The following ASPRV1 variants were observed in gnomAD, a reference collection of about 807,000 sequenced individuals.
ASPRV1 encodes the protein aspartic peptidase retroviral like 1.
Under a neutral mutation model 11.0 loss-of-function variants are expected in ASPRV1, and 7 were observed. That is an observed-to-expected ratio of 0.64 (90% CI 0.36 to 1.20). The LOEUF is 1.20. Ranked by LOEUF, ASPRV1 falls within the 50% of genes most tolerant of loss-of-function variation. The pLI, the probability that ASPRV1 is intolerant of heterozygous loss-of-function variation, is 0.02. For missense variants in ASPRV1, 299 were observed against 320.0 expected (o/e 0.93, Z 0.50); for synonymous variants, 136 against 138.4 (o/e 0.98, Z 0.12).
At chr2:69,993,954 G>A in the ASPRV1 span, 1 of 152,392 alleles carries the variant, frequency 6.6e-6, no homozygotes, top group East Asian at 1.9e-4. Flanking sequence ...AGATGTCAGC[G>A]AAGCTTGAGG....
the ASPRV1 span, among the ~76,000 whole-genome samples, chr2:69,995,074 G>A: frequency 6.6e-6 from 1 of 151,710 alleles, no homozygotes; most frequent in Non-Finnish European, 1.5e-5. Flanking sequence ...CATGTAGTCA[G>A]GGTGAATATT....
the ASPRV1 span, among the ~76,000 whole-genome samples, chr2:69,997,369 T>C: frequency 6.6e-6 from 1 of 152,072 alleles, no homozygotes; most frequent in Admixed American, 6.5e-5. Flanking sequence ...TACTGACTTA[T>C]CCTCACCAGG....
At chr2:70,081,608 A>G in the ASPRV1 span, 2 of 152,052 alleles carry the variant, frequency 1.3e-5, no homozygotes, top group East Asian at 3.9e-4. Flanking sequence ...TTTTTAGATA[A>G]GGTCTCACTC....
At chr2:70,009,094 T>G in the ASPRV1 span, among the ~76,000 whole-genome samples, 1 of 152,098 alleles carries the variant, frequency 6.6e-6, no homozygotes, top group Non-Finnish European at 1.5e-5. Context: ...AAAAAATTAA[T>G]TTCTCAGATA....
the ASPRV1 span, among the ~76,000 whole-genome samples, chr2:69,969,790 C>T: frequency 2.0e-5 from 3 of 152,166 alleles, no homozygotes; most frequent in Admixed American, 2.0e-4. Flanking sequence ...CCATGGCTCC[C>T]TGAAGCCTTG....
chr2:70,033,284 C>CACAA, the ASPRV1 span, among the ~76,000 whole-genome samples: 1 of 147,826 alleles, frequency 6.8e-6, no homozygotes, highest in Non-Finnish European at 1.5e-5. Context: ...AAAACACACA[C>CACAA]ACACACACAC....
the ASPRV1 span, among the ~76,000 whole-genome samples, chr2:69,990,573 G>T: frequency 6.6e-6 from 1 of 151,920 alleles, no homozygotes; most frequent in Admixed American, 6.6e-5. Context: ...GACATCTAGG[G>T]CTCATGTGAT....
At chr2:70,046,865 A>G in the ASPRV1 span, 30 of 152,238 alleles carry the variant, frequency 2.0e-4, no homozygotes, top group Non-Finnish European at 2.9e-5. Flanking sequence ...AGTGGTAACC[A>G]AGGTAAAAAT....
chr2:70,069,292 G>C, the ASPRV1 span: 1 of 152,202 alleles, frequency 6.6e-6, no homozygotes, highest in African/African-American at 2.4e-5. Context: ...AAAACTGAAA[G>C]GGACTGAAGG....
the ASPRV1 span, among the ~76,000 whole-genome samples, chr2:70,052,455 G>C: frequency 1.3e-5 from 2 of 152,130 alleles, no homozygotes; most frequent in Non-Finnish European, 2.9e-5. Flanking sequence ...CCAACTGGGA[G>C]AGTAGACCAA....
At chr2:69,995,803 A>G in the ASPRV1 span, among the ~76,000 whole-genome samples, 1 of 152,212 alleles carries the variant, frequency 6.6e-6, no homozygotes, top group Non-Finnish European at 1.5e-5. Flanking sequence ...CCGCCTTCTC[A>G]TGCAGGCAGA....
chr2:69,960,667 A>G lies in ASPRV1; in HGVS notation c.770T>C (p.Leu257Pro). ...DPSSEEGRQE[L>P]SH is the part of the protein sequence containing the mutation. The stretch of plus-strand genomic sequence containing the variant: ...AGAAAAGGTGGCTTCTCAGTGGGAT[A>G]GCTCCTGCCGCCCTTCTTCTGAGGA... Residue 257 changes from leucine to proline, a missense_variant, in exon 1 of 1, where the codon CTA becomes CCA. Physicochemically the swap from Leu to Pro is moderately conservative, Grantham distance 98. Transcript: ENST00000320256. The G allele has an allele frequency of 6.2e-7, 1 of 1,611,454 alleles. No homozygotes were observed. The highest frequency in any genetic ancestry group is 8.5e-7 in the Non-Finnish European group (1 of 1,178,954).
chr2:69,996,787 T>A, the ASPRV1 span: 1 of 455,428 alleles, frequency 2.2e-6, no homozygotes, highest in Non-Finnish European at 4.4e-6. Flanking sequence ...GCTGCAGGGA[T>A]GTCGGACGGT....
At chr2:70,004,690 C>T in the ASPRV1 span, among the ~76,000 whole-genome samples, 1 of 152,056 alleles carries the variant, frequency 6.6e-6, no homozygotes, top group Non-Finnish European at 1.5e-5. Context: ...CTGTTCTTCC[C>T]TCTGAACCTA....
downstream of ASPRV1, among the ~76,000 whole-genome samples, chr2:69,955,916 T>C (rs1253756977): frequency 2.0e-5 from 3 of 151,900 alleles, no homozygotes; most frequent in African/African-American, 7.2e-5. Context: ...CTAGGAGTGA[T>C]GGCATGCCAG....
chr2:70,051,576 A>G, the ASPRV1 span, among the ~76,000 whole-genome samples: 2 of 152,240 alleles, frequency 1.3e-5, no homozygotes, highest in Non-Finnish European at 2.9e-5. Flanking sequence ...AAAAAGCCCA[A>G]TAAGTATACC....
chr2:70,067,913 G>A, the ASPRV1 span, among the ~76,000 whole-genome samples: 1 of 152,210 alleles, frequency 6.6e-6, no homozygotes, highest in Non-Finnish European at 1.5e-5. Context: ...GATTGGGCAG[G>A]AGGAGAAGCT....
the ASPRV1 span, among the ~76,000 whole-genome samples, chr2:70,008,859 C>T: frequency 1.3e-5 from 2 of 152,108 alleles, no homozygotes; most frequent in Non-Finnish European, 2.9e-5. Flanking sequence ...CCAAGGAAAT[C>T]CTTCTTCCAT....
At chr2:70,003,960 C>G in the ASPRV1 span, among the ~76,000 whole-genome samples, 2 of 152,254 alleles carry the variant, frequency 1.3e-5, no homozygotes, top group Admixed American at 1.3e-4. Flanking sequence ...GACTTCCTAG[C>G]CTCTAGAACT....
Sources: gnomAD v4.1 joint callset for allele counts (sites outside exome capture counted in the v4.1 genomes callset) on GRCh38, gnomAD v4.1.1 for gene constraint, MANE v1.5 for transcripts, NCBI Gene and HGNC (gene_info 2026-07-23, HGNC 2026-07-21) for gene names.